CSMD3: variants seen among roughly 807,000 people sequenced by gnomAD.
The protein encoded by CSMD3 is CUB and sushi domain-containing protein 3.
CSMD3 carries 177 observed loss-of-function variants against 435.2 expected under a neutral mutation model. The observed-to-expected ratio is 0.41, with a 90% confidence interval of 0.36 to 0.46. The LOEUF is 0.46. Among genes scored for constraint, CSMD3 ranks in the 20% least tolerant of loss-of-function variants. The pLI, the probability that CSMD3 is intolerant of heterozygous loss-of-function variation, is 0.34. For synonymous variants in CSMD3, 1,656 were observed against 1,520.5 expected (o/e 1.09, Z -2.07); for missense variants, 4,265 against 4,504.6 (o/e 0.95, Z 1.52).
intron 5 of CSMD3, among the ~76,000 whole-genome samples, chr8:113,089,261 G>A (rs965470161): frequency 6.6e-6 from 1 of 152,002 alleles, no homozygotes; most frequent in Non-Finnish European, 1.5e-5. Context: ...TGTTATTCCT[G>A]GAACAATGGA....
At chr8:113,065,299 A>C (rs144940094) in intron 5 of CSMD3, among the ~76,000 whole-genome samples, 8 of 152,312 alleles carry the variant, frequency 5.3e-5, no homozygotes, top group African/African-American at 1.7e-4. Flanking sequence ...AAGTACATGA[A>C]AGTTATAAGT....
At chr8:112,252,868 G>T (rs1266257302) in intron 63 of CSMD3, among the ~76,000 whole-genome samples, 1 of 151,206 alleles carries the variant, frequency 6.6e-6, no homozygotes, top group Non-Finnish European at 1.5e-5. Flanking sequence ...AGAATATAAT[G>T]ATTTAATACC....
chr8:113,031,371 T>C (rs1228200528), intron 5 of CSMD3, among the ~76,000 whole-genome samples: 1 of 151,690 alleles, frequency 6.6e-6, no homozygotes, highest in Non-Finnish European at 1.5e-5. Flanking sequence ...AAGGTAATTA[T>C]GTATAAAACA....
intron 3 of CSMD3, among the ~76,000 whole-genome samples, chr8:113,199,424 G>C (rs1248582330): frequency 6.6e-6 from 1 of 151,564 alleles, no homozygotes; most frequent in East Asian, 1.9e-4. Flanking sequence ...TTTTTGGATT[G>C]GCATGACTAT....
intron 3 of CSMD3, among the ~76,000 whole-genome samples, chr8:113,265,382 G>A (rs1003625608): frequency 1.3e-5 from 2 of 151,514 alleles, no homozygotes; most frequent in African/African-American, 4.8e-5. Flanking sequence ...TGCATTAATA[G>A]TGTTAATTCA....
chr8:112,682,791 A>C (rs1264291741), intron 15 of CSMD3, among the ~76,000 whole-genome samples, 155 bp from the exon 16 acceptor site: 1 of 152,080 alleles, frequency 6.6e-6, no homozygotes, highest in African/African-American at 2.4e-5. Context: ...TTAAATTTGG[A>C]GGTTCTCCTC....
chr8:112,506,866 A>T, intron 28 of CSMD3, 37 bp from the exon 29 acceptor site: 1 of 1,552,040 alleles, frequency 6.4e-7, no homozygotes, highest in Non-Finnish European at 8.8e-7. Context: ...CTCTTTAAAC[A>T]TTAATACAAT....
intron 1 of CSMD3, among the ~76,000 whole-genome samples, chr8:113,343,065 C>A (rs981958206): frequency 1.3e-5 from 2 of 151,400 alleles, no homozygotes; most frequent in Non-Finnish European, 2.9e-5. Flanking sequence ...GAGAAGAAGT[C>A]AATAAAGGAG....
In CSMD3 at chr8:112,535,813, A is replaced by C. The variant is rs182243244; in HGVS notation, c.4564+14858T>G. Among the ~76,000 whole-genome samples, 503 of 152,194 alleles carry C rather than the reference A, an allele frequency of 3.3e-3. 3 individuals carry two copies. The highest frequency in any genetic ancestry group is 0.011 in the African/African-American group (454 of 41,546). ...TGACCAAAACAGCATGGTACTGGTA[A>C]CAAAACAGAGATATAGATCAATGGA... On this transcript the variant is annotated intron_variant, in intron 27 of 70. Coordinates refer to ENST00000297405, the MANE Select transcript of CSMD3 (RefSeq NM_198123.2).
intron 5 of CSMD3, among the ~76,000 whole-genome samples, chr8:113,030,417 T>TAAAAAAAAGAA (rs2087046972): frequency 4.1e-5 from 1 of 24,356 alleles, no homozygotes; most frequent in East Asian, 3.0e-3. Flanking sequence ...TTGGTACTGG[T>TAAAAAAAAGAA]AAAAAAAAAA....
At chr8:112,946,073 A>T (rs1461649456) in intron 9 of CSMD3, among the ~76,000 whole-genome samples, 1 of 151,840 alleles carries the variant, frequency 6.6e-6, no homozygotes, top group Admixed American at 6.6e-5. Flanking sequence ...AATTTTGCTC[A>T]TTATATTACT....
At chr8:112,404,045 C>T (rs769786743) in intron 35 of CSMD3, among the ~76,000 whole-genome samples, 2 of 151,848 alleles carry the variant, frequency 1.3e-5, no homozygotes, top group African/African-American at 4.8e-5. Flanking sequence ...GTGAAATATG[C>T]TAGGTATATT....
At chr8:113,225,982 A>C (rs1298553370) in intron 3 of CSMD3, among the ~76,000 whole-genome samples, 1 of 151,300 alleles carries the variant, frequency 6.6e-6, no homozygotes, top group African/African-American at 2.4e-5. Context: ...TGGTTTTATA[A>C]AGGGCTTTTT....
intron 5 of CSMD3, among the ~76,000 whole-genome samples, chr8:113,065,726 T>C (rs2088826638): frequency 6.6e-6 from 1 of 152,106 alleles, no homozygotes; most frequent in Admixed American, 6.6e-5. Context: ...CTGGTCTTTA[T>C]CATATGTCAT....
At chr8:113,306,438 T>G (rs2093822063) in intron 2 of CSMD3, among the ~76,000 whole-genome samples, 1 of 152,050 alleles carries the variant, frequency 6.6e-6, no homozygotes. Context: ...ATCACTGGAG[T>G]GCACTGACAT....
intron 3 of CSMD3, among the ~76,000 whole-genome samples, chr8:113,266,445 A>C (rs936441436): frequency 2.6e-5 from 4 of 151,358 alleles, no homozygotes; most frequent in Non-Finnish European, 5.9e-5. Context: ...ATCCATTTAA[A>C]TCTAAGTGGA....
At chr8:112,777,887 G>T (rs1001669147) in intron 13 of CSMD3, among the ~76,000 whole-genome samples, 4 of 151,594 alleles carry the variant, frequency 2.6e-5, no homozygotes, top group Non-Finnish European at 5.9e-5. Context: ...CTAAAACATT[G>T]CCATGGAAAT....
At chr8:113,089,247 A>T (rs2089918307) in intron 5 of CSMD3, among the ~76,000 whole-genome samples, 1 of 152,160 alleles carries the variant, frequency 6.6e-6, no homozygotes. Flanking sequence ...TTATTTGCAG[A>T]TAATGTTATT....
intron 10 of CSMD3, among the ~76,000 whole-genome samples, chr8:112,870,981 T>C (rs2081120226): frequency 6.6e-6 from 1 of 152,192 alleles, no homozygotes; most frequent in Non-Finnish European, 1.5e-5. Context: ...TCCCCAGTAA[T>C]TTCGGAGTTT....
Sources: gnomAD v4.1 joint callset for allele counts (sites outside exome capture counted in the v4.1 genomes callset) on GRCh38, gnomAD v4.1.1 for gene constraint, MANE v1.5 for transcripts, NCBI Gene and HGNC (gene_info 2026-07-23, HGNC 2026-07-21) for gene names.